The following CLVS1 variants were observed in gnomAD, a reference collection of about 807,000 sequenced individuals.
The protein encoded by CLVS1 is clavesin 1, also known as clavesin-1.
A neutral mutation model predicts 33.1 loss-of-function variants in CLVS1; 10 were observed. The observed-to-expected ratio is 0.30, with a 90% CI of 0.19 to 0.51. The LOEUF (loss-of-function observed/expected upper bound fraction) is 0.51. Among genes scored for constraint, CLVS1 ranks in the 20% least tolerant of loss-of-function variants. The pLI is 0.97. For missense variants in CLVS1, 343 were observed against 433.4 expected (o/e 0.79, Z 1.85); for synonymous variants, 163 against 166.1 (o/e 0.98, Z 0.14).
chr8:60,966,536 A>C, the CLVS1 span: 1 of 326,918 alleles, frequency 3.1e-6, no homozygotes, highest in Non-Finnish European at 6.2e-6. Flanking sequence ...TGCCAGAGAA[A>C]CTCTTGCACA....
intron 3 of CLVS1, among the ~76,000 whole-genome samples, chr8:61,405,445 G>A (rs1300985561): frequency 6.6e-6 from 1 of 152,156 alleles, no homozygotes; most frequent in African/African-American, 2.4e-5. Flanking sequence ...AGTGCTTCAT[G>A]TGTACTTCCC....
At chr8:61,182,919 T>C (rs561806093) in intron 2 of CLVS1, among the ~76,000 whole-genome samples, 2 of 152,258 alleles carry the variant, frequency 1.3e-5, no homozygotes, top group Admixed American at 6.5e-5. Flanking sequence ...AATGATAGAC[T>C]GGATAAAAAA....
intron 2 of CLVS1, among the ~76,000 whole-genome samples, chr8:61,371,032 A>G (rs1813419283): frequency 6.6e-6 from 1 of 152,238 alleles, no homozygotes; most frequent in African/African-American, 2.4e-5. Context: ...TTGCTGGATC[A>G]AATGGTAGAT....
At chr8:61,498,112 T>A (rs1804331969) in intron 5 of CLVS1, among the ~76,000 whole-genome samples, 1 of 152,226 alleles carries the variant, frequency 6.6e-6, no homozygotes, top group African/African-American at 2.4e-5. Context: ...CAGCAGGCTT[T>A]AGCCTTATTT....
At chr8:61,050,678 C>G in the CLVS1 span, among the ~76,000 whole-genome samples, 1 of 152,218 alleles carries the variant, frequency 6.6e-6, no homozygotes, top group African/African-American at 2.4e-5. Flanking sequence ...CTTTTATCTG[C>G]CTACAGATGA....
chr8:61,080,361 A>T (rs1013581421), intron 1 of CLVS1, among the ~76,000 whole-genome samples: 1 of 152,236 alleles, frequency 6.6e-6, no homozygotes, highest in African/African-American at 2.4e-5. Flanking sequence ...GTCATCACTT[A>T]AAAGATAAAA....
At chr8:60,999,966 A>T in the CLVS1 span, among the ~76,000 whole-genome samples, 5 of 152,206 alleles carry the variant, frequency 3.3e-5, no homozygotes, top group Middle Eastern at 3.2e-3. Flanking sequence ...GATAGGCAGG[A>T]AGTTGCATAA....
intron 2 of CLVS1, among the ~76,000 whole-genome samples, chr8:61,176,025 G>A (rs1220318723): frequency 6.6e-6 from 1 of 152,196 alleles, no homozygotes. Flanking sequence ...TAGATGGAGA[G>A]ACATATAGTT....
chr8:61,317,607 A>G (rs1811057354), intron 2 of CLVS1, among the ~76,000 whole-genome samples: 1 of 152,154 alleles, frequency 6.6e-6, no homozygotes, highest in African/African-American at 2.4e-5. Context: ...ATTTCTCCTT[A>G]GCACCGCTGT....
At chr8:61,202,373 A>G (rs1351344994) in intron 2 of CLVS1, 1 of 750,656 alleles carries the variant, frequency 1.3e-6, no homozygotes, top group Non-Finnish European at 2.5e-6. Context: ...ATGGACGTGG[A>G]CATGAGCTCC....
the CLVS1 span, among the ~76,000 whole-genome samples, chr8:60,997,675 G>C: frequency 6.6e-6 from 1 of 152,190 alleles, no homozygotes; most frequent in Non-Finnish European, 1.5e-5. Flanking sequence ...ATGGCTTCCT[G>C]TGGTGATGAA....
At chr8:61,293,978 T>A (rs1028125443) in intron 1 of CLVS1, among the ~76,000 whole-genome samples, 3 of 152,200 alleles carry the variant, frequency 2.0e-5, no homozygotes, top group Admixed American at 2.0e-4. Flanking sequence ...TTTGAAGTGT[T>A]GTTCAGCAGT....
the CLVS1 span, among the ~76,000 whole-genome samples, chr8:60,981,877 A>G: frequency 6.6e-6 from 1 of 152,236 alleles, no homozygotes; most frequent in East Asian, 1.9e-4. Context: ...AGGAGGCGCG[A>G]CGAATTAGAT....
chr8:61,497,442 TG>T (rs59855401), intron 5 of CLVS1, among the ~76,000 whole-genome samples: 7,690 of 127,572 alleles, frequency 0.06, 277 homozygotes, highest in African/African-American at 0.078. Context: ...AGGTTTTTAT[TG>T]GGGGGGGGGT....
chr8:61,175,514 G>T (rs1253585869), intron 2 of CLVS1, among the ~76,000 whole-genome samples: 4 of 152,182 alleles, frequency 2.6e-5, no homozygotes, highest in African/African-American at 9.7e-5. Context: ...TACCTTAAAT[G>T]TGACCTTATT....
upstream of CLVS1, among the ~76,000 whole-genome samples, chr8:61,054,746 A>ATC (rs1283277752): frequency 1.4e-4 from 21 of 152,064 alleles, no homozygotes; most frequent in Admixed American, 3.3e-4. Flanking sequence ...AGGCTTCCTC[A>ATC]TCTCTCTCCT....
chr8:60,986,328 G>C, the CLVS1 span, among the ~76,000 whole-genome samples: 1 of 152,222 alleles, frequency 6.6e-6, no homozygotes, highest in Admixed American at 6.5e-5. Context: ...AAAACAAAGT[G>C]AAGAATCTTG....
At chr8:61,447,148 T>C (rs1816785206) in intron 3 of CLVS1, among the ~76,000 whole-genome samples, 1 of 152,094 alleles carries the variant, frequency 6.6e-6, no homozygotes, top group South Asian at 2.1e-4. Context: ...TGATTTTCTG[T>C]CTAAAAGATT....
At position 61,257,941 on chromosome 8, in the gene CLVS1, T is replaced by C. The variant is rs73684475; in HGVS notation, c.-151-41736T>C. Among the ~76,000 whole-genome samples the C allele has an allele frequency of 6.3e-3, 953 of 152,132 alleles. 10 individuals are homozygous for C. Among genetic ancestry groups the C allele is most frequent in the African/African-American group, 0.021 (890 of 41,486 alleles). ...ATGTATTGGTGGCTATTAATGTCAA[T>C]GGTGGTGGTGATGATGATGGTGGTG... is the stretch of plus-strand genomic sequence containing the variant. On this transcript the variant is annotated intron_variant, in intron 2 of 2. Transcript: ENST00000522621.
Sources: gnomAD v4.1 joint callset for allele counts (sites outside exome capture counted in the v4.1 genomes callset) on GRCh38, gnomAD v4.1.1 for gene constraint, MANE v1.5 for transcripts, NCBI Gene and HGNC (gene_info 2026-07-23, HGNC 2026-07-21) for gene names.